Variants in NTRK3 observed in about 807,000 individuals in gnomAD.
NTRK3 encodes the protein NT-3 growth factor receptor.
In NTRK3, 24 loss-of-function variants were observed where a neutral mutation model predicts 91.7. That is an observed-to-expected ratio of 0.26 (90% CI 0.19 to 0.37). The LOEUF (loss-of-function observed/expected upper bound fraction) is 0.37, where lower values mean the gene tolerates loss of function less well. Among genes scored for constraint, NTRK3 ranks in the 10% least tolerant of loss-of-function variants. The pLI, the probability that NTRK3 is intolerant of heterozygous loss-of-function variation, is 1.00. For synonymous variants in NTRK3, 483 were observed against 404.0 expected, an observed-to-expected ratio of 1.20 and a Z score of -2.34; for missense variants, 880 against 1,068.9, an observed-to-expected ratio of 0.82 and a Z score of 2.46.
intron 5 of NTRK3, among the ~76,000 whole-genome samples, chr15:88,155,324 C>A (rs1222957952): frequency 6.6e-6 from 1 of 152,180 alleles, no homozygotes; most frequent in Non-Finnish European, 1.5e-5. Context: ...GAGGGGGCCA[C>A]AAGCCAAGAA....
intron 14 of NTRK3, among the ~76,000 whole-genome samples, chr15:87,968,093 T>C (rs531883893): frequency 6.6e-6 from 1 of 152,372 alleles, no homozygotes; most frequent in East Asian, 1.9e-4. Flanking sequence ...ATGCCTTTTT[T>C]ACTCTCGTGT....
intron 3 of NTRK3, among the ~76,000 whole-genome samples, chr15:88,245,266 C>T (rs1430409873): frequency 6.6e-6 from 1 of 152,232 alleles, no homozygotes; most frequent in Non-Finnish European, 1.5e-5. Flanking sequence ...ACCAGCTTGG[C>T]TTCTGTGGAG....
At chr15:88,183,424 C>T (rs772754430) in exon 5 of NTRK3, 28 of 1,614,052 alleles carry the variant, frequency 1.7e-5, no homozygotes, top group Middle Eastern at 1.6e-4. Context: ...TCACATATAA[C>T]GCAAATGGGG....
At chr15:88,215,135 C>T (rs2049635126) in intron 3 of NTRK3, among the ~76,000 whole-genome samples, 1 of 152,236 alleles carries the variant, frequency 6.6e-6, no homozygotes, top group East Asian at 1.9e-4. Flanking sequence ...ACCATAAGCA[C>T]TGTGGGTTTG....
chr15:88,040,285 G>A (rs1010010351), intron 13 of NTRK3, among the ~76,000 whole-genome samples: 12 of 152,218 alleles, frequency 7.9e-5, no homozygotes, highest in African/African-American at 2.9e-4. Context: ...GCAGTAGCAT[G>A]AACTTCCACC....
intron 14 of NTRK3, among the ~76,000 whole-genome samples, chr15:87,996,489 G>C (rs1435983595): frequency 2.6e-5 from 4 of 152,156 alleles, no homozygotes; most frequent in African/African-American, 9.7e-5. Context: ...AAACATAGGG[G>C]GTGGGAGAGG....
At position 88,136,457 on chromosome 15, in the gene NTRK3, G is replaced by C. The variant is rs2151207485; in HGVS notation, c.765+10C>G. On this transcript the variant is annotated intron_variant, in intron 8 of 18. Transcript: ENST00000394480. ...AGCCTCCTGATGGGGCTGAAGCCCA[G>C]GATGCCTACCTGGTGAGTGTTGATG... The C allele has an allele frequency of 6.2e-7, 1 of 1,614,174 alleles. No individual in the cohort carries two copies. Among genetic ancestry groups the C allele is most frequent in the Non-Finnish European group, 8.5e-7 (1 of 1,180,028 alleles).
intron 13 of NTRK3, among the ~76,000 whole-genome samples, chr15:88,057,354 C>T (rs540497345): frequency 2.4e-4 from 37 of 151,726 alleles, no homozygotes; most frequent in African/African-American, 8.9e-4. Context: ...AAAAATTAGC[C>T]GGGCGTGGTG....
intron 12 of NTRK3, among the ~76,000 whole-genome samples, chr15:88,126,864 C>A (rs1296076921): frequency 6.6e-6 from 1 of 152,126 alleles, no homozygotes; most frequent in Non-Finnish European, 1.5e-5. Context: ...AGCAACTTGG[C>A]CTTTTGTAGG....
intron 6 of NTRK3, among the ~76,000 whole-genome samples, chr15:88,139,619 G>T (rs563943269): frequency 6.6e-6 from 1 of 152,114 alleles, no homozygotes; most frequent in South Asian, 2.1e-4. Context: ...GAAAGGTGAA[G>T]GGAAAGAACT....
In NTRK3 at chr15:88,191,774, C is replaced by T. The variant is rs190794795; in HGVS notation, c.249-7475G>A. 9.0e-3 allele frequency among the ~76,000 whole-genome samples: 1,379 copies of T among 152,392 alleles called. 11 individuals are homozygous for T. The highest frequency in any genetic ancestry group is 0.02 in the Middle Eastern group (6 of 294). On this transcript the variant is annotated intron_variant, in intron 3 of 18. Coordinates refer to ENST00000394480, the Ensembl canonical transcript of NTRK3. ...ATGTTTAGCATCATAAACAAACCGTCTGGAGCAACAGCTCCATGGTGCTAA... is the reference window on the plus strand; with the variant it reads ...ATGTTTAGCATCATAAACAAACCGTTTGGAGCAACAGCTCCATGGTGCTAA...
At chr15:88,131,454 A>G (rs1447873196) in intron 10 of NTRK3, among the ~76,000 whole-genome samples, 2 of 151,998 alleles carry the variant, frequency 1.3e-5, no homozygotes, top group Admixed American at 1.3e-4. Flanking sequence ...GTTTTGGGGG[A>G]TGGTCACAGA....
chr15:88,158,942 C>A (rs1378752021), intron 5 of NTRK3, among the ~76,000 whole-genome samples: 5 of 152,168 alleles, frequency 3.3e-5, no homozygotes, highest in Non-Finnish European at 7.4e-5. Context: ...ATCAAGAACC[C>A]CTTGCAGCTA....
At chr15:87,943,961 T>C (rs1398072777) in intron 14 of NTRK3, among the ~76,000 whole-genome samples, 1 of 152,034 alleles carries the variant, frequency 6.6e-6, no homozygotes, top group Admixed American at 6.6e-5. Flanking sequence ...CTTCCCCAAA[T>C]GTGCAAATGG....
intron 18 of NTRK3, among the ~76,000 whole-genome samples, chr15:87,877,979 C>G (rs978264964): frequency 8.5e-5 from 13 of 152,162 alleles, no homozygotes; most frequent in African/African-American, 2.9e-4. Flanking sequence ...CCAACCCCAG[C>G]AGGCCACTTG....
chr15:88,027,342 G>A (rs2078121073), intron 14 of NTRK3, among the ~76,000 whole-genome samples: 2 of 152,110 alleles, frequency 1.3e-5, no homozygotes, highest in African/African-American at 4.8e-5. Context: ...AGAGGCTGTT[G>A]ATACAAATCA....
At chr15:87,997,385 T>C (rs185667149) in intron 14 of NTRK3, among the ~76,000 whole-genome samples, 23 of 152,184 alleles carry the variant, frequency 1.5e-4, no homozygotes, top group African/African-American at 5.5e-4. Flanking sequence ...TGGTAGAGTC[T>C]CCTCCTTCTA....
intron 14 of NTRK3, among the ~76,000 whole-genome samples, chr15:87,973,548 T>C (rs1161566738): frequency 6.6e-6 from 1 of 152,064 alleles, no homozygotes; most frequent in Non-Finnish European, 1.5e-5. Flanking sequence ...GTGGTAACAG[T>C]AGGATTTCTA....
intron 17 of NTRK3, among the ~76,000 whole-genome samples, chr15:87,899,129 A>C (rs551940327): frequency 5.3e-5 from 8 of 152,298 alleles, no homozygotes; most frequent in Non-Finnish European, 1.0e-4. Flanking sequence ...ATATCTTATA[A>C]ATATTTGCAA....
Sources: allele counts gnomAD v4.1 joint callset (sites outside exome capture counted in the v4.1 genomes callset), GRCh38; gene constraint gnomAD v4.1.1; transcripts MANE v1.5; gene names NCBI Gene and HGNC (gene_info 2026-07-23, HGNC 2026-07-21).